Variants in THSD4 observed in about 807,000 individuals in gnomAD.
THSD4 encodes the protein thrombospondin type-1 domain-containing protein 4.
THSD4 carries 69 observed loss-of-function variants against 119.0 expected under a neutral mutation model. The ratio of observed to expected loss-of-function variants is 0.58; its 90% CI spans 0.48 to 0.71. The LOEUF (loss-of-function observed/expected upper bound fraction) is 0.71, where lower values mean the gene tolerates loss of function less well. Among genes scored for constraint, THSD4 ranks in the 30% least tolerant of loss-of-function variants. The pLI, the probability that THSD4 is intolerant of heterozygous loss-of-function variation, is 0.00. For missense variants in THSD4, 1,393 were observed against 1,391.1 expected (o/e 1.00, Z -0.02); for synonymous variants, 524 against 540.4 (o/e 0.97, Z 0.42).
chr15:71,192,580 C>G (rs78624702), intron 3 of THSD4, among the ~76,000 whole-genome samples: 2,463 of 152,162 alleles, frequency 0.016, 37 homozygotes, highest in South Asian at 0.04. Context: ...GCGCTTGGCT[C>G]CTTTGGTGAA....
intron 7 of THSD4, among the ~76,000 whole-genome samples, chr15:71,568,163 C>G (rs76852716): frequency 0.15 from 22,349 of 152,080 alleles, 2,005 homozygotes; most frequent in Middle Eastern, 0.23. Context: ...AGTTTTACCT[C>G]AGAAATATTT....
intron 8 of THSD4, among the ~76,000 whole-genome samples, chr15:71,724,287 A>ATATATATATATATATATTTTT: frequency 1.6e-4 from 6 of 37,288 alleles, no homozygotes; most frequent in South Asian, 2.0e-3. Context: ...ATATATATAT[A>ATATATATATATATATATTTTT]TTTTTTTTTT....
At chr15:71,147,791 C>T (rs1333403505) in intron 2 of THSD4, 1 of 151,986 alleles carries the variant, frequency 6.6e-6, no homozygotes. Context: ...TGATGAAACC[C>T]TGTCTCTACA....
At chr15:71,593,794 C>T (rs2049853903) in intron 7 of THSD4, among the ~76,000 whole-genome samples, 1 of 152,038 alleles carries the variant, frequency 6.6e-6, no homozygotes, top group East Asian at 1.9e-4. Context: ...GTCCCAGCTA[C>T]TTGGGAGGCT....
chr15:71,695,566 C>T (rs1019445216), intron 8 of THSD4, among the ~76,000 whole-genome samples: 12 of 151,034 alleles, frequency 7.9e-5, no homozygotes, highest in African/African-American at 2.7e-4. Flanking sequence ...TAACATTTCT[C>T]ATAGTGGTGA....
At chr15:71,450,575 A>G (rs2047248484) in intron 7 of THSD4, among the ~76,000 whole-genome samples, 1 of 152,200 alleles carries the variant, frequency 6.6e-6, no homozygotes, top group South Asian at 2.1e-4. Flanking sequence ...TATAGCATCC[A>G]AGGTTATGTA....
intron 3 of THSD4, among the ~76,000 whole-genome samples, chr15:71,165,848 T>C (rs1316180822): frequency 6.6e-6 from 1 of 152,108 alleles, no homozygotes; most frequent in African/African-American, 2.4e-5. Context: ...ACTGCTGCAC[T>C]GGCTGTTGAG....
At chr15:71,368,258 T>C (rs1431670370) in intron 6 of THSD4, among the ~76,000 whole-genome samples, 1 of 152,250 alleles carries the variant, frequency 6.6e-6, no homozygotes, top group East Asian at 1.9e-4. Flanking sequence ...GATGGTTGTT[T>C]CTTTTGCTGT....
At chr15:71,682,761 G>A (rs192632126) in intron 8 of THSD4, among the ~76,000 whole-genome samples, 1 of 152,018 alleles carries the variant, frequency 6.6e-6, no homozygotes, top group East Asian at 1.9e-4. Context: ...CCATTTATCT[G>A]TCAAATAATT....
rs1223277420 is a variant in THSD4 at position 71,699,227 on chromosome 15, T to TC, written c.1358-29322_1358-29321insC. Among the ~76,000 whole-genome samples the TC allele has an allele frequency of 3.2e-5, 2 of 61,652 alleles. 1 individual carries two copies. The allele number at this position is 61,652 out of a possible 152,430, so 40.4% of individuals were successfully genotyped here. A position where few individuals can be genotyped will look rare whatever the true frequency, so the allele number is the denominator to read the frequency against. ...AGCTACAGCTTTTTTTTTTTTTTTT[T>TC]TTTGAGACGGAGTCTCGCTCTGTCG... is the stretch of plus-strand genomic sequence containing the variant. On this transcript the variant is annotated intron_variant, in intron 8 of 17. Transcript: ENST00000261862.
At chr15:71,444,768 T>G (rs2047156328) in intron 7 of THSD4, among the ~76,000 whole-genome samples, 1 of 152,242 alleles carries the variant, frequency 6.6e-6, no homozygotes, top group Admixed American at 6.5e-5. Flanking sequence ...CAGAAGAGCT[T>G]CATTTCACAT....
chr15:71,563,326 G>A (rs1333369611), intron 7 of THSD4, among the ~76,000 whole-genome samples: 1 of 152,148 alleles, frequency 6.6e-6, no homozygotes, highest in Non-Finnish European at 1.5e-5. Context: ...GGATAGTAAA[G>A]ACTCTGTTAG....
At chr15:71,689,705 G>A (rs1012251440) in intron 8 of THSD4, among the ~76,000 whole-genome samples, 1 of 152,148 alleles carries the variant, frequency 6.6e-6, no homozygotes, top group Non-Finnish European at 1.5e-5. Flanking sequence ...CCATAAAATG[G>A]AACTGATACC....
At chr15:71,194,277 G>C (rs1027146556) in intron 3 of THSD4, among the ~76,000 whole-genome samples, 1 of 152,220 alleles carries the variant, frequency 6.6e-6, no homozygotes, top group Admixed American at 6.5e-5. Flanking sequence ...CTGTCCAATA[G>C]ATGACAGAAA....
At chr15:71,626,382 C>G (rs184174595) in intron 7 of THSD4, among the ~76,000 whole-genome samples, 10 of 152,292 alleles carry the variant, frequency 6.6e-5, no homozygotes. Context: ...GCATCTTTGT[C>G]TTCTTCCAGA....
intron 1 of THSD4, among the ~76,000 whole-genome samples, chr15:71,138,446 C>T (rs184061106): frequency 1.3e-5 from 2 of 152,282 alleles, no homozygotes; most frequent in African/African-American, 4.8e-5. Context: ...CACAAAATCT[C>T]CATTTGCTCC....
chr15:71,206,157 G>A (rs1442086325), intron 3 of THSD4, among the ~76,000 whole-genome samples: 1 of 152,046 alleles, frequency 6.6e-6, no homozygotes, highest in Non-Finnish European at 1.5e-5. Flanking sequence ...GATTACAAGT[G>A]TGCACCACCA....
At chr15:71,340,781 G>A (rs1462694078) in intron 6 of THSD4, among the ~76,000 whole-genome samples, 2 of 151,970 alleles carry the variant, frequency 1.3e-5, no homozygotes, top group East Asian at 1.9e-4. Context: ...AATATTTTTA[G>A]TAGAGACAGA....
chr15:71,271,905 A>G (rs1001102309), intron 6 of THSD4, among the ~76,000 whole-genome samples: 1 of 152,204 alleles, frequency 6.6e-6, no homozygotes, highest in Non-Finnish European at 1.5e-5. Context: ...TATGACCTCA[A>G]AAGCACAGAC....
Sources: gnomAD v4.1 joint callset for allele counts (sites outside exome capture counted in the v4.1 genomes callset) on GRCh38, gnomAD v4.1.1 for gene constraint, MANE v1.5 for transcripts, NCBI Gene and HGNC (gene_info 2026-07-23, HGNC 2026-07-21) for gene names.